ASTN2: variants seen among roughly 807,000 people sequenced by gnomAD.
ASTN2 encodes the protein astrotactin-2.
In ASTN2, 54 loss-of-function variants were observed where a neutral mutation model predicts 139.8. That is an observed-to-expected ratio of 0.39 (90% CI 0.31 to 0.48). The LOEUF (loss-of-function observed/expected upper bound fraction) is 0.48. Ranked by LOEUF, ASTN2 falls within the 20% of genes least tolerant of loss-of-function variation. The pLI is 0.95. For synonymous variants in ASTN2, 756 were observed against 719.5 expected (o/e 1.05, Z -0.81); for missense variants, 1,565 against 1,725.1 (o/e 0.91, Z 1.64).
intron 13 of ASTN2, among the ~76,000 whole-genome samples, chr9:116,803,522 A>ATATATATATATT (rs1554748694): frequency 4.7e-5 from 1 of 21,136 alleles, no homozygotes; most frequent in African/African-American, 2.2e-4. Flanking sequence ...ATATATATAT[A>ATATATATATATT]TTTTTTTTTT....
intron 19 of ASTN2, among the ~76,000 whole-genome samples, chr9:116,616,662 A>G (rs1386081897): frequency 3.0e-4 from 46 of 152,180 alleles, no homozygotes; most frequent in Non-Finnish European, 8.8e-5. Context: ...GAGATGTGAT[A>G]GAGATGTGAA....
chr9:116,672,586 T>A (rs1380508552), intron 16 of ASTN2, among the ~76,000 whole-genome samples: 2 of 152,160 alleles, frequency 1.3e-5, no homozygotes, highest in African/African-American at 4.8e-5. Flanking sequence ...ACAGAGCACA[T>A]ATTCTTTACC....
chr9:116,496,015 C>T (rs796570518), intron 19 of ASTN2, among the ~76,000 whole-genome samples: 9 of 152,238 alleles, frequency 5.9e-5, no homozygotes, highest in African/African-American at 1.9e-4. Context: ...TTCCCCTTGT[C>T]GTTGTATGGC....
intron 16 of ASTN2, among the ~76,000 whole-genome samples, chr9:116,652,009 T>A (rs1857944245): frequency 6.6e-6 from 1 of 152,112 alleles, no homozygotes; most frequent in South Asian, 2.1e-4. Context: ...ACATTAAATA[T>A]CCACTTGCTT....
At chr9:117,360,064 T>C (rs565407161) in intron 1 of ASTN2, among the ~76,000 whole-genome samples, 21 of 152,264 alleles carry the variant, frequency 1.4e-4, no homozygotes, top group African/African-American at 4.8e-4. Flanking sequence ...AAGATCTTAT[T>C]GACTCTGACC....
chr9:117,026,902 T>G (rs925097523), intron 6 of ASTN2, among the ~76,000 whole-genome samples: 2 of 132,782 alleles, frequency 1.5e-5, no homozygotes, highest in Non-Finnish European at 3.2e-5. Context: ...ATTTCACAGA[T>G]GCACAAACGA....
At chr9:116,892,683 C>A in intron 10 of ASTN2, among the ~76,000 whole-genome samples, 1 of 152,144 alleles carries the variant, frequency 6.6e-6, no homozygotes, top group East Asian at 1.9e-4. Context: ...ATTAATCCCA[C>A]TGCAGAGAGG....
At chr9:116,802,859 G>A (rs906098078) in intron 13 of ASTN2, among the ~76,000 whole-genome samples, 13 of 152,194 alleles carry the variant, frequency 8.5e-5, no homozygotes, top group Admixed American at 8.5e-4. Flanking sequence ...GGCCTTTGCA[G>A]GCTCCTTCCT....
rs190361962 is a variant in ASTN2, at chr9:116,815,544, A to G, written c.2207+5073T>C. Among the ~76,000 whole-genome samples the G allele has an allele frequency of 1.2e-3, 177 of 152,070 alleles. 1 individual carries two copies. Among genetic ancestry groups the G allele is most frequent in the African/African-American group, 4.1e-3 (169 of 41,510 alleles). ...AATGAGGCCGGGCGCGGTGGCTCAC[A>G]CCTGTAATCCCAGCACTTTGGGAGG... On this transcript the variant is annotated intron_variant, in intron 12 of 22. Coordinates refer to ENST00000313400, the MANE Select transcript of ASTN2 (RefSeq NM_001365068.1).
At chr9:116,897,765 T>TA (rs35426914) in intron 10 of ASTN2, among the ~76,000 whole-genome samples, 24 of 152,022 alleles carry the variant, frequency 1.6e-4, no homozygotes, top group Admixed American at 2.6e-4. Context: ...TGACACCATT[T>TA]AAAAAAAACA....
intron 17 of ASTN2, among the ~76,000 whole-genome samples, chr9:116,630,999 A>G (rs1449860514): frequency 6.6e-6 from 1 of 152,204 alleles, no homozygotes; most frequent in African/African-American, 2.4e-5. Context: ...TCAAAACCAC[A>G]ATGAGATATC....
Position 117,270,266 on chromosome 9 carries a change from G to A in ASTN2, c.630+21060C>T, listed in dbSNP as rs138310706. Among the ~76,000 whole-genome samples the A allele has an allele frequency of 3.3e-5, 5 of 152,290 alleles. No individual in the cohort carries two copies. In the East Asian group the frequency reaches 9.7e-4, roughly 29 times the overall value. ...CATAATAGTTTGCTATAGGTGTAAT[G>A]TGGTGCAGCAGATCCCTATAACTTA... is the stretch of plus-strand genomic sequence containing the variant. On this transcript the variant is annotated intron_variant, in intron 2 of 22. Transcript: ENST00000313400.
chr9:117,199,579 T>C (rs1472855970), intron 3 of ASTN2, among the ~76,000 whole-genome samples: 1 of 152,196 alleles, frequency 6.6e-6, no homozygotes, highest in Non-Finnish European at 1.5e-5. Context: ...AGCTTTGTTC[T>C]TTTTGCTTAG....
At chr9:117,117,829 G>A (rs1038643880) in intron 4 of ASTN2, among the ~76,000 whole-genome samples, 3 of 152,098 alleles carry the variant, frequency 2.0e-5, no homozygotes, top group Non-Finnish European at 4.4e-5. Context: ...CTAAGCAGCC[G>A]TCACACTCCA....
At chr9:117,060,939 T>A (rs1839271912) in intron 5 of ASTN2, among the ~76,000 whole-genome samples, 1 of 151,792 alleles carries the variant, frequency 6.6e-6, no homozygotes, top group Non-Finnish European at 1.5e-5. Context: ...AAAAATAAAG[T>A]AGACACGATA....
intron 3 of ASTN2, among the ~76,000 whole-genome samples, chr9:117,166,214 G>A (rs530594870): frequency 6.6e-6 from 1 of 152,070 alleles, no homozygotes; most frequent in East Asian, 1.9e-4. Context: ...AGTAACAGTG[G>A]AAGGGAAAAA....
At chr9:116,460,943 T>C (rs1055607518) in intron 20 of ASTN2, among the ~76,000 whole-genome samples, 2 of 152,200 alleles carry the variant, frequency 1.3e-5, no homozygotes, top group Non-Finnish European at 2.9e-5. Context: ...CCATTCTTAA[T>C]GATCCTCATC....
Position 116,423,167 on chromosome 9 carries a change from AT to A in ASTN2, c.*2683del, listed in dbSNP as rs1467012119. ...AATTCTCTAGGTCTTTCCCAACCAG[AT>A]TTTCCTGGATGTCTGCCCAAGACTC... On this transcript the variant is annotated 3_prime_UTR_variant, in exon 23 of 23. Transcript: ENST00000313400. Among the ~76,000 whole-genome samples the A allele has an allele frequency of 2.6e-5, 4 of 152,084 alleles. No homozygotes were observed. Among genetic ancestry groups the A allele is most frequent in the Non-Finnish European group, 5.9e-5 (4 of 68,024 alleles).
intron 2 of ASTN2, among the ~76,000 whole-genome samples, chr9:117,281,724 C>G (rs879801806): frequency 1.3e-5 from 2 of 152,174 alleles, no homozygotes; most frequent in Admixed American, 6.5e-5. Context: ...CCCCTCCCCA[C>G]TTTACTTCCC....
Sources: allele counts gnomAD v4.1 joint callset (sites outside exome capture counted in the v4.1 genomes callset), GRCh38; gene constraint gnomAD v4.1.1; transcripts MANE v1.5; gene names NCBI Gene and HGNC (gene_info 2026-07-23, HGNC 2026-07-21).